NBEA: variants seen among roughly 807,000 people sequenced by gnomAD.
NBEA encodes the protein neurobeachin.
A neutral mutation model predicts 343.4 loss-of-function variants in NBEA; 44 were observed. The ratio of observed to expected loss-of-function variants is 0.13; its 90% CI spans 0.10 to 0.16. NBEA has a LOEUF of 0.16. NBEA is among the 10% of genes least tolerant of loss of function. The pLI, the probability that NBEA is intolerant of heterozygous loss-of-function variation, is 1.00. For synonymous variants in NBEA, 1,175 were observed against 1,238.7 expected (o/e 0.95, Z 1.08); for missense variants, 2,555 against 3,631.3 (o/e 0.70, Z 7.62).
intron 36 of NBEA, among the ~76,000 whole-genome samples, chr13:35,339,209 C>T (rs951975522): frequency 1.3e-5 from 2 of 151,794 alleles, no homozygotes; most frequent in Non-Finnish European, 2.9e-5. Context: ...AGAAACAAAA[C>T]TCTCTATTTG....
intron 49 of NBEA, among the ~76,000 whole-genome samples, chr13:35,640,479 A>T (rs1207934411): frequency 1.3e-5 from 2 of 152,240 alleles, no homozygotes; most frequent in Admixed American, 6.5e-5. Flanking sequence ...TGTACAGGGC[A>T]TAAACAGCAT....
intron 1 of NBEA, among the ~76,000 whole-genome samples, chr13:34,994,256 GT>G (rs2060865540): frequency 6.9e-6 from 1 of 145,936 alleles, no homozygotes; most frequent in Non-Finnish European, 1.5e-5. Context: ...AATAAATGGA[GT>G]TTAGTGGTTT....
At chr13:35,361,851 G>A (rs1273831231) in intron 38 of NBEA, among the ~76,000 whole-genome samples, 1 of 151,942 alleles carries the variant, frequency 6.6e-6, no homozygotes, top group Non-Finnish European at 1.5e-5. Flanking sequence ...CTTCGTTACT[G>A]TAGGCAAACA....
intron 1 of NBEA, among the ~76,000 whole-genome samples, chr13:34,977,162 A>G (rs1458213534): frequency 6.6e-6 from 1 of 151,388 alleles, no homozygotes; most frequent in Non-Finnish European, 1.5e-5. Context: ...CTGGTCTCGA[A>G]CTCCTAACCT....
At chr13:34,985,184 A>G (rs1402462116) in intron 1 of NBEA, among the ~76,000 whole-genome samples, 1 of 150,966 alleles carries the variant, frequency 6.6e-6, no homozygotes, top group Non-Finnish European at 1.5e-5. Flanking sequence ...TTTGTCATAA[A>G]TAGCTCTTAT....
intron 41 of NBEA, among the ~76,000 whole-genome samples, chr13:35,484,514 A>G (rs2076242039): frequency 1.3e-5 from 2 of 151,922 alleles, no homozygotes; most frequent in African/African-American, 4.8e-5. Context: ...TGCATCTGCC[A>G]GTGTACAATT....
chr13:35,561,709 T>C (rs1488481899), intron 44 of NBEA, among the ~76,000 whole-genome samples: 1 of 152,172 alleles, frequency 6.6e-6, no homozygotes, highest in Non-Finnish European at 1.5e-5. Context: ...TATTAATGCA[T>C]TATGCAGACT....
chr13:35,074,835 A>G (rs534157888), intron 10 of NBEA, among the ~76,000 whole-genome samples: 24 of 152,218 alleles, frequency 1.6e-4, no homozygotes, highest in African/African-American at 5.5e-4. Context: ...AGTGGCTAAA[A>G]CGTACTAATT....
intron 34 of NBEA, among the ~76,000 whole-genome samples, chr13:35,280,257 A>C (rs901927832): frequency 6.6e-6 from 1 of 152,130 alleles, no homozygotes; most frequent in Non-Finnish European, 1.5e-5. Flanking sequence ...ATATTCTCAC[A>C]TTAAGTGTGC....
rs994545421 is a variant in NBEA at position 35,045,099 on chromosome 13, A to G, written c.627+52A>G. On this transcript the variant is annotated intron_variant, in intron 3 of 58. Coordinates refer to ENST00000379939, the MANE Select transcript of NBEA (RefSeq NM_001385012.1). ...TTCAGTATCAGTCCATTAATACTTA[A>G]TGTTCAAAAGTTTGTCTCTAGAGAG... The G allele has an allele frequency of 7.4e-6, 11 of 1,488,456 alleles. No homozygotes were observed. The African/African-American group carries it at 1.4e-4, about 19-fold the overall frequency. 92.2% of individuals were successfully genotyped at this position (1,488,456 alleles called of 1,614,324 possible).
intron 36 of NBEA, among the ~76,000 whole-genome samples, chr13:35,314,667 T>C (rs1228622915): frequency 2.0e-5 from 3 of 152,204 alleles, no homozygotes; most frequent in African/African-American, 7.2e-5. Flanking sequence ...AGGCAAATCA[T>C]AATCTTCCTC....
At position 35,550,517 on chromosome 13, in the gene NBEA, T is replaced by A. The variant is rs374028264; in HGVS notation, c.6626T>A (p.Phe2209Tyr). 6.2e-7 allele frequency: 1 copy of A among 1,613,328 alleles called. No homozygotes were observed. The highest frequency in any genetic ancestry group is 8.5e-7 in the Non-Finnish European group (1 of 1,179,510). The part of the protein sequence containing the change: ...YTEGLHGKWM[F>Y]SEIRAVFSRR... ...GAGGGACTTCACGGAAAATGGATGT[T>A]CAGCGAGATACGAGCTGTATTTTCA... The change falls in exon 42 of 59, where the codon TTC (phenylalanine) becomes TAC (tyrosine). Residue 2209 changes from phenylalanine (F) to tyrosine (Y), a missense_variant. By Grantham distance (22) the Phe-to-Tyr change is conservative. Around this residue, in one of 21 missense-constraint regions of NBEA, gnomAD observed 246 missense variants for 313.7 expected, o/e 0.78. Transcript: ENST00000379939.
At chr13:35,080,380 A>C (rs1689278361) in intron 10 of NBEA, among the ~76,000 whole-genome samples, 1 of 152,174 alleles carries the variant, frequency 6.6e-6, no homozygotes, top group African/African-American at 2.4e-5. Context: ...GATAGTAGTC[A>C]GGGACTTGAG....
At chr13:35,162,395 T>C (rs1199191694) in intron 23 of NBEA, among the ~76,000 whole-genome samples, 2 of 152,302 alleles carry the variant, frequency 1.3e-5, no homozygotes, top group African/African-American at 4.8e-5. Flanking sequence ...GCAACTTAAA[T>C]GATCTAGCAC....
chr13:35,483,140 A>G (rs189093503), intron 41 of NBEA, among the ~76,000 whole-genome samples: 2 of 152,052 alleles, frequency 1.3e-5, no homozygotes, highest in East Asian at 3.9e-4. Context: ...TTTAATTTTC[A>G]TGTATGTGAC....
At chr13:35,139,057 CTTTTTT>C (rs36053692) in intron 17 of NBEA, among the ~76,000 whole-genome samples, 8 of 97,890 alleles carry the variant, frequency 8.2e-5, no homozygotes, top group African/African-American at 3.0e-4. Flanking sequence ...CAAGAAATAT[CTTTTTT>C]TTTTTTTTTT....
intron 38 of NBEA, among the ~76,000 whole-genome samples, chr13:35,420,749 G>A (rs1418053900): frequency 6.6e-6 from 1 of 151,706 alleles, no homozygotes; most frequent in African/African-American, 2.4e-5. Flanking sequence ...CATGTTTTTT[G>A]GTCCATTTCT....
chr13:35,471,333 CTAGCGGCCGCGGGGAACCTAACTT>C (rs1488731636), intron 40 of NBEA, among the ~76,000 whole-genome samples: 1 of 152,172 alleles, frequency 6.6e-6, no homozygotes, highest in African/African-American at 2.4e-5. Context: ...GGGCCGAGGC[CTAGCGGCCGCGGGGAACCTAACTT>C]TTTATTGCCT....
intron 10 of NBEA, among the ~76,000 whole-genome samples, chr13:35,097,545 C>A (rs1162600097): frequency 6.6e-6 from 1 of 151,934 alleles, no homozygotes; most frequent in African/African-American, 2.4e-5. Flanking sequence ...TGGTTAAAAT[C>A]ATTATATGTA....
Sources: allele counts gnomAD v4.1 joint callset (sites outside exome capture counted in the v4.1 genomes callset), GRCh38; gene constraint gnomAD v4.1.1; regional missense constraint gnomAD v4.1.1; transcripts MANE v1.5; gene names NCBI Gene and HGNC (gene_info 2026-07-23, HGNC 2026-07-21).